The following C2orf49 variants were observed in gnomAD, a reference collection of about 807,000 sequenced individuals.
C2orf49 encodes tRNA-splicing ligase complex subunit ASW.
Under a neutral mutation model 20.6 loss-of-function variants are expected in C2orf49, and 11 were observed. That is an observed-to-expected ratio of 0.53 (90% CI 0.34 to 0.88). The LOEUF (loss-of-function observed/expected upper bound fraction) is 0.88. Among genes scored for constraint, C2orf49 ranks in the 40% least tolerant of loss-of-function variants. The pLI, the probability that C2orf49 is intolerant of heterozygous loss-of-function variation, is 0.02. For missense variants in C2orf49, 289 were observed against 274.2 expected (o/e 1.05, Z -0.38); for synonymous variants, 134 against 108.5 (o/e 1.24, Z -1.46).
downstream of C2orf49, among the ~76,000 whole-genome samples, chr2:105,350,156 A>G (rs1308032423): frequency 1.3e-5 from 2 of 152,144 alleles, no homozygotes; most frequent in African/African-American, 4.8e-5. Context: ...GATCAGTCCA[A>G]ATTGATGACT....
rs1679829653 is a variant in C2orf49, at chr2:105,346,978, T to A, written c.*1607T>A. 1 of 152,228 alleles carries A rather than the reference T, an allele frequency of 6.6e-6. No individual in the cohort carries two copies. Among genetic ancestry groups the A allele is most frequent in the South Asian group, 2.1e-4 (1 of 4,836 alleles). 9.4% of individuals were successfully genotyped at this position (152,228 alleles called of 1,614,324 possible). A position where few individuals can be genotyped will look rare whatever the true frequency, so the allele number is the denominator to read the frequency against. On this transcript the variant is annotated 3_prime_UTR_variant, in exon 4 of 4. Coordinates refer to ENST00000258457, the MANE Select transcript of C2orf49 (RefSeq NM_024093.3). ...ATTGATCTTCAAATTGGGATTTACC[T>A]TTTTCAATATGTTTTAAAGTAGTCT... is the stretch of plus-strand genomic sequence containing the variant.
the C2orf49 span, among the ~76,000 whole-genome samples, chr2:105,373,018 C>A: frequency 6.6e-6 from 1 of 152,212 alleles, no homozygotes; most frequent in African/African-American, 2.4e-5. Context: ...CACAAGGCAC[C>A]TTTATTGCCA....
the C2orf49 span, chr2:105,375,985 A>C: frequency 1.3e-5 from 2 of 152,260 alleles, no homozygotes; most frequent in African/African-American, 2.4e-5. Flanking sequence ...ATGTGAACTC[A>C]TGAGAAACAG....
chr2:105,379,290 G>T, the C2orf49 span, among the ~76,000 whole-genome samples: 5 of 152,148 alleles, frequency 3.3e-5, no homozygotes, highest in Non-Finnish European at 7.3e-5. Flanking sequence ...GTTAGTATAA[G>T]TCATTATTTA....
At position 105,346,434 on chromosome 2, in the gene C2orf49, A is replaced by G. The variant is rs1409601852; in HGVS notation, c.*1063A>G. On this transcript the variant is annotated 3_prime_UTR_variant, in exon 4 of 4. Transcript: ENST00000258457. ...GTACTCTTTTCATGAGCAGTCTGTG[A>G]TCTCACTCTGTGAGTTCAGCTATTA... The G allele has an allele frequency of 6.6e-6, 1 of 152,188 alleles. No individual in the cohort carries two copies. The highest frequency in any genetic ancestry group is 1.9e-4 in the East Asian group (1 of 5,198). The allele number at this position is 152,188 out of a possible 1,614,324, so 9.4% of individuals were successfully genotyped here. A position where few individuals can be genotyped will look rare whatever the true frequency, so the allele number is the denominator to read the frequency against.
chr2:105,369,757 C>T, the C2orf49 span, among the ~76,000 whole-genome samples: 2 of 152,180 alleles, frequency 1.3e-5, no homozygotes, highest in African/African-American at 4.8e-5. Flanking sequence ...AGCCCAGAAG[C>T]CAAAGGATTT....
the C2orf49 span, among the ~76,000 whole-genome samples, chr2:105,354,464 A>G: frequency 6.6e-6 from 1 of 152,110 alleles, no homozygotes; most frequent in Non-Finnish European, 1.5e-5. Flanking sequence ...CAGGAGTTCG[A>G]GACCAGCCTG....
At chr2:105,339,237 T>A (rs1679598299) in intron 1 of C2orf49, among the ~76,000 whole-genome samples, 1 of 152,246 alleles carries the variant, frequency 6.6e-6, no homozygotes, top group Non-Finnish European at 1.5e-5. Context: ...TGTTAATCAT[T>A]GTTAGCTTTC....
chr2:105,363,255 C>T, the C2orf49 span: 90 of 1,610,782 alleles, frequency 5.6e-5, no homozygotes, highest in South Asian at 9.6e-4. Context: ...TTCCAATCGC[C>T]CCTGGAAATG....
At position 105,342,980 on chromosome 2, in the gene C2orf49, C is replaced by G. The variant is rs1679711075; in HGVS notation, c.399C>G (p.Ser133Arg). ...GACTGAAGCCTCCCCCGCAGGCAAG[C>G]TTTACCAGTAATGCCTTTAGAAAAT... ...NDRLKPPPQASFTSNAFRKLS... is the reference protein window; with the variant it reads ...NDRLKPPPQARFTSNAFRKLS... The change falls in exon 3 of 4, where the codon AGC becomes AGG. Residue 133 changes from serine to arginine, a missense_variant. Ser to Arg is a moderately radical substitution (Grantham distance 110). Coordinates refer to ENST00000258457, the MANE Select transcript of C2orf49 (RefSeq NM_024093.3). 1.9e-6 allele frequency: 3 copies of G among 1,614,118 alleles called. 1 individual carries two copies. The Admixed American group carries it at 5.0e-5, about 27-fold the overall frequency.
At chr2:105,365,915 A>G in the C2orf49 span, among the ~76,000 whole-genome samples, 333 of 152,202 alleles carry the variant, frequency 2.2e-3, 1 homozygote, top group Middle Eastern at 6.8e-3. Context: ...ACAGTAAAGA[A>G]CAAATGGGGC....
rs766131875 is a variant in C2orf49 at position 105,343,201 on chromosome 2, C to T, written c.620C>T (p.Pro207Leu). 3 of 1,600,942 alleles carry T rather than the reference C, an allele frequency of 1.9e-6. No individual in the cohort carries two copies. Among genetic ancestry groups the T allele is most frequent in the African/African-American group, 1.3e-5 (1 of 74,224 alleles). The change falls in exon 3 of 4, where the codon CCT becomes CTT. Residue 207 changes from proline (P) to leucine (L), a missense_variant. Coordinates refer to ENST00000258457, the MANE Select transcript of C2orf49 (RefSeq NM_024093.3). ...TTPVKLKRAAPKEEAEAMNNL... is the reference protein window; with the variant it reads ...TTPVKLKRAALKEEAEAMNNL... ...CCAGTGAAGTTAAAGAGAGCTGCTC[C>T]TAAAGAAGAGGCAGAGGCCATGGTA...
At position 105,345,497 on chromosome 2, in the gene C2orf49, A is replaced by T. The variant is rs964762098; in HGVS notation, c.*126A>T. ...TTCTTAAGAGGTTTCAAATAGGTTT[A>T]AAAAAATAAAGGATTTATTTTCCTT... is the stretch of plus-strand genomic sequence containing the variant. On this transcript the variant is annotated 3_prime_UTR_variant, in exon 4 of 4. Transcript: ENST00000258457. The T allele has an allele frequency of 6.6e-6, 5 of 757,838 alleles. No individual in the cohort carries two copies. The highest frequency in any genetic ancestry group is 5.9e-5 in the Admixed American group (2 of 33,664). The allele number at this position is 757,838 out of a possible 1,614,324, so 46.9% of individuals were successfully genotyped here. A position where few individuals can be genotyped will look rare whatever the true frequency, so the allele number is the denominator to read the frequency against.
chr2:105,365,961 T>G, the C2orf49 span, among the ~76,000 whole-genome samples: 1 of 151,798 alleles, frequency 6.6e-6, no homozygotes, highest in African/African-American at 2.4e-5. Flanking sequence ...TCCCAGCACT[T>G]TGGGAGGTGG....
rs1304313858 is a variant in C2orf49 at position 105,348,750 on chromosome 2, A to G, written c.*3379A>G. ...AGTAGTCTTATCCTTATTTAAATAA[A>G]CAGAATAAAATTACCTTGAGTAGGT... is the stretch of plus-strand genomic sequence containing the variant. On this transcript the variant is annotated 3_prime_UTR_variant, in exon 4 of 4. Transcript: ENST00000258457. The G allele has an allele frequency of 6.6e-6, 1 of 152,180 alleles. No individual in the cohort carries two copies. The highest frequency in any genetic ancestry group is 1.5e-5 in the Non-Finnish European group (1 of 68,046). 9.4% of individuals were successfully genotyped at this position (152,180 alleles called of 1,614,324 possible).
the C2orf49 span, among the ~76,000 whole-genome samples, chr2:105,382,369 C>T: frequency 6.6e-6 from 1 of 152,150 alleles, no homozygotes; most frequent in African/African-American, 2.4e-5. Flanking sequence ...GGGTCCTGCC[C>T]GAGGCTGCAG....
chr2:105,354,456 G>C, the C2orf49 span, among the ~76,000 whole-genome samples: 7 of 152,086 alleles, frequency 4.6e-5, no homozygotes, highest in Admixed American at 1.3e-4. Flanking sequence ...CTTGAGGTCA[G>C]GAGTTCGAGA....
the C2orf49 span, among the ~76,000 whole-genome samples, chr2:105,371,514 G>A: frequency 6.8e-6 from 1 of 148,082 alleles, no homozygotes; most frequent in African/African-American, 2.5e-5. Flanking sequence ...CAGACTTACC[G>A]CCTCCACAAT....
downstream of C2orf49, among the ~76,000 whole-genome samples, chr2:105,350,092 C>T (rs1679901003): frequency 6.6e-6 from 1 of 152,078 alleles, no homozygotes; most frequent in Admixed American, 6.6e-5. Context: ...AGTCACCTAT[C>T]CCCCCCGGTC....
Sources: gnomAD v4.1 joint callset for allele counts (sites outside exome capture counted in the v4.1 genomes callset) on GRCh38, gnomAD v4.1.1 for gene constraint, MANE v1.5 for transcripts, NCBI Gene and HGNC (gene_info 2026-07-23, HGNC 2026-07-21) for gene names.